The following REELD1 variants were observed in gnomAD, a reference collection of about 807,000 sequenced individuals.
REELD1 encodes reelin domain-containing protein 1.
A neutral mutation model predicts 6.3 loss-of-function variants in REELD1; 12 were observed. That is an observed-to-expected ratio of 1.89 (90% CI 1.21 to 3.07). REELD1 has a LOEUF of 3.07. REELD1 is among the 30% of genes most tolerant of loss of function. REELD1 has a pLI of 0.00. For missense variants in REELD1, 163 were observed against 86.8 expected, an observed-to-expected ratio of 1.88 and a Z score of -3.49; for synonymous variants, 57 against 33.6, an observed-to-expected ratio of 1.70 and a Z score of -2.42.
At chr4:146,218,140 C>T (rs922368803) in intron 3 of REELD1, among the ~76,000 whole-genome samples, 16 of 152,198 alleles carry the variant, frequency 1.1e-4, no homozygotes, top group African/African-American at 3.1e-4. Flanking sequence ...TGTGGGCAAC[C>T]GAGGTGCATT....
chr4:146,226,679 T>C (rs1731029538), intron 5 of REELD1, among the ~76,000 whole-genome samples: 2 of 152,156 alleles, frequency 1.3e-5, no homozygotes, highest in Non-Finnish European at 2.9e-5. Flanking sequence ...CACTATTGCA[T>C]TGGGGATTTG....
In REELD1 at chr4:146,231,279, G is replaced by A. The variant is rs1302612747; in HGVS notation, c.*766G>A. Among the ~76,000 whole-genome samples the A allele has an allele frequency of 6.6e-6, 1 of 152,198 alleles. No individual in the cohort carries two copies. The highest frequency in any genetic ancestry group is 1.5e-5 in the Non-Finnish European group (1 of 68,034). Reference sequence around the variant, plus strand: ...ATTTACACTTGATGGAAACATTCGTGTATCCCAACAGCTAGCAGACATAGT... The same window carrying A: ...ATTTACACTTGATGGAAACATTCGTATATCCCAACAGCTAGCAGACATAGT... On this transcript the variant is annotated 3_prime_UTR_variant, in exon 8 of 8. Coordinates refer to ENST00000623665, the MANE Select transcript of REELD1 (RefSeq NM_001354631.1).
Position 146,216,939 on chromosome 4 carries a change from C to T in REELD1, c.-11-3C>T. The stretch of plus-strand genomic sequence containing the variant: ...ACTGAAGCTGCTGTTTGTCATGATA[C>T]AGGAGAGGGCAGGATGAGGATGCAG... On this transcript the variant is annotated splice_region_variant and splice_polypyrimidine_tract_variant and intron_variant, in intron 2 of 7. Transcript: ENST00000623665. 3 of 398,602 alleles carry T rather than the reference C, an allele frequency of 7.5e-6. No individual in the cohort carries two copies. Among genetic ancestry groups the T allele is most frequent in the Non-Finnish European group, 1.3e-5 (3 of 226,074 alleles). The allele number at this position is 398,602 out of a possible 1,614,324, so 24.7% of individuals were successfully genotyped here.
At chr4:146,225,243 A>G (rs964764829) in intron 5 of REELD1, among the ~76,000 whole-genome samples, 1 of 152,230 alleles carries the variant, frequency 6.6e-6, no homozygotes, top group Non-Finnish European at 1.5e-5. Context: ...TGTTTGACCT[A>G]TCTGAAAATC....
intron 3 of REELD1, among the ~76,000 whole-genome samples, chr4:146,218,745 T>C (rs1401901626): frequency 1.3e-5 from 2 of 152,166 alleles, no homozygotes; most frequent in African/African-American, 2.4e-5. Flanking sequence ...GGCCACTTCT[T>C]TGGGGGCTCC....
In REELD1 at chr4:146,231,535, T is replaced by C. The variant is rs560315033; in HGVS notation, c.*1022T>C. On this transcript the variant is annotated 3_prime_UTR_variant, in exon 8 of 8. Transcript: ENST00000623665. ...AACTCTTAAATATGCTCACCTAATA[T>C]AGCACATAGGAATTAGCTGCCTTTT... 2.6e-5 allele frequency among the ~76,000 whole-genome samples: 4 copies of C among 152,340 alleles called. No homozygotes were observed. The highest frequency in any genetic ancestry group is 9.6e-5 in the African/African-American group (4 of 41,574).
intron 7 of REELD1, 99 bp from the exon 8 acceptor site, chr4:146,229,806 C>T: frequency 2.5e-6 from 1 of 397,442 alleles, no homozygotes; most frequent in Non-Finnish European, 4.4e-6. Context: ...TTAGCTGCCT[C>T]CTGGGAGTCT....
chr4:146,217,511 TG>T (rs1280109137), intron 3 of REELD1, among the ~76,000 whole-genome samples: 1 of 152,194 alleles, frequency 6.6e-6, no homozygotes, highest in Non-Finnish European at 1.5e-5. Context: ...CCAAAAGTGC[TG>T]GGATTACAGG....
chr4:146,216,899 C>G, intron 2 of REELD1, 43 bp from the exon 3 acceptor site: 1 of 398,208 alleles, frequency 2.5e-6, no homozygotes. Flanking sequence ...TGTCGTTTTC[C>G]TAAATAACGT....
chr4:146,230,419 A>G lies in REELD1; in HGVS notation c.1487A>G (p.His496Arg). 2 of 398,722 alleles carry G rather than the reference A, an allele frequency of 5.0e-6. No homozygotes were observed. The highest frequency in any genetic ancestry group is 7.1e-5 in the East Asian group (2 of 28,070). The allele number at this position is 398,722 out of a possible 1,614,324, so 24.7% of individuals were successfully genotyped here. A position where few individuals can be genotyped will look rare whatever the true frequency, so the allele number is the denominator to read the frequency against. ...VARSNSGETV[H>R]VRKIGENSFV... is the part of the protein sequence containing the mutation. ...AGGAGCAACAGTGGTGAGACTGTGC[A>G]CGTCAGGAAGATTGGGGAGAACAGT... The change falls in exon 8 of 8, where the codon CAC becomes CGC. Residue 496 changes from histidine (H) to arginine (R), a missense_variant. Transcript: ENST00000623665.
intron 3 of REELD1, among the ~76,000 whole-genome samples, chr4:146,220,738 A>T (rs996668178): frequency 2.0e-5 from 3 of 152,264 alleles, no homozygotes; most frequent in African/African-American, 7.2e-5. Context: ...CTCATTGGCC[A>T]GAATTCTATC....
intron 4 of REELD1, among the ~76,000 whole-genome samples, chr4:146,223,210 GT>G (rs1730956069): frequency 6.6e-6 from 1 of 152,192 alleles, no homozygotes; most frequent in Non-Finnish European, 1.5e-5. Context: ...GTGTGTTTCT[GT>G]TTCTCTTCCC....
intron 3 of REELD1, among the ~76,000 whole-genome samples, chr4:146,218,651 T>TCCCAAACTTTGTCACATCA (rs1168950512): frequency 6.6e-6 from 1 of 152,196 alleles, no homozygotes; most frequent in Non-Finnish European, 1.5e-5. Context: ...TAATAGAGCT[T>TCCCAAACTTTGTCACATCA]CCCAAACTTT....
intron 3 of REELD1, among the ~76,000 whole-genome samples, chr4:146,220,639 A>G (rs1443031765): frequency 6.6e-6 from 1 of 152,206 alleles, no homozygotes; most frequent in Admixed American, 6.5e-5. Flanking sequence ...CCATGGTTTT[A>G]GGCCTCATAC....
chr4:146,228,507 T>C lies in REELD1; in HGVS notation c.893T>C (p.Leu298Pro). 1 of 702,096 alleles carries C rather than the reference T, an allele frequency of 1.4e-6. No homozygotes were observed. The highest frequency in any genetic ancestry group is 2.6e-6 in the Non-Finnish European group (1 of 384,796). 43.5% of individuals were successfully genotyped at this position (702,096 alleles called of 1,614,324 possible). A position where few individuals can be genotyped will look rare whatever the true frequency, so the allele number is the denominator to read the frequency against. Residue 298 changes from leucine (L) to proline (P), a missense_variant, in exon 6 of 8, where the codon CTT (leucine) becomes CCT (proline). Physicochemically the swap from Leu to Pro is moderately conservative, Grantham distance 98. Transcript: ENST00000623665. ...RVSSESFASS[L>P]STHHRTQDDP... The stretch of plus-strand genomic sequence containing the variant: ...TCCTCAGAGAGCTTTGCTTCCAGCC[T>C]TAGCACCCATCACAGGTAAGGGTGA...
chr4:146,225,031 T>A (rs1251769793), intron 5 of REELD1, among the ~76,000 whole-genome samples: 4 of 152,220 alleles, frequency 2.6e-5, no homozygotes, highest in Non-Finnish European at 4.4e-5. Context: ...TAAAAACGCA[T>A]CCAGTTTTTA....
rs111397607 is a variant in REELD1 at position 146,214,705 on chromosome 4, G to GTTTTC, written c.-135+15_-135+16insCTTTT. The GTTTTC allele has an allele frequency of 0.25, 37,541 of 151,908 alleles. 4,836 individuals are homozygous for GTTTTC. Among genetic ancestry groups the GTTTTC allele is most frequent in the Middle Eastern group, 0.39 (114 of 294 alleles). 9.4% of individuals were successfully genotyped at this position (151,908 alleles called of 1,614,324 possible). On this transcript the variant is annotated intron_variant, in intron 1 of 7. Coordinates refer to ENST00000623665, the MANE Select transcript of REELD1 (RefSeq NM_001354631.1). ...AAACTGTGTTCCTAGGTAAGTGGAT[G>GTTTTC]TTTTTATTTATTTATTTTTGTAGAG...
chr4:146,221,294 A>G (rs981396790), intron 3 of REELD1, among the ~76,000 whole-genome samples: 2 of 152,202 alleles, frequency 1.3e-5, no homozygotes, highest in Admixed American at 6.5e-5. Context: ...GAATAATGCA[A>G]TATTTGTCAT....
chr4:146,222,975 T>C (rs923873532), intron 4 of REELD1, among the ~76,000 whole-genome samples: 5 of 152,132 alleles, frequency 3.3e-5, no homozygotes, highest in Non-Finnish European at 7.4e-5. Flanking sequence ...GAAAAGCTTC[T>C]TGAGGCTCTG....
Sources: gnomAD v4.1 joint callset for allele counts (sites outside exome capture counted in the v4.1 genomes callset) on GRCh38, gnomAD v4.1.1 for gene constraint, MANE v1.5 for transcripts, NCBI Gene and HGNC (gene_info 2026-07-23, HGNC 2026-07-21) for gene names.